Variants in TSPAN18 observed in about 807,000 individuals in gnomAD.
TSPAN18 encodes the protein tetraspanin-18.
Under a neutral mutation model 27.3 loss-of-function variants are expected in TSPAN18, and 14 were observed. That is an observed-to-expected ratio of 0.51 (90% CI 0.34 to 0.80). The LOEUF (loss-of-function observed/expected upper bound fraction) is 0.80. Ranked by LOEUF, TSPAN18 falls within the 30% of genes least tolerant of loss-of-function variation. The probability of loss-of-function intolerance (pLI) is 0.01; values close to 1 mark genes in which losing one functional copy is unlikely to be tolerated. For missense variants in TSPAN18, 268 were observed against 323.9 expected, an observed-to-expected ratio of 0.83 and a Z score of 1.32; for synonymous variants, 143 against 136.5, an observed-to-expected ratio of 1.05 and a Z score of -0.33.
At chr11:44,836,928 T>C (rs1353639544) in intron 2 of TSPAN18, among the ~76,000 whole-genome samples, 1 of 152,232 alleles carries the variant, frequency 6.6e-6, no homozygotes, top group Non-Finnish European at 1.5e-5. Flanking sequence ...TTTCAAAATA[T>C]GACTACTCAT....
chr11:44,874,089 A>T (rs1858265811), intron 3 of TSPAN18, among the ~76,000 whole-genome samples: 1 of 152,096 alleles, frequency 6.6e-6, no homozygotes, highest in Non-Finnish European at 1.5e-5. Flanking sequence ...CCCTGTATAA[A>T]AGCATGAGGA....
chr11:44,824,033 C>T (rs768313184), intron 2 of TSPAN18, among the ~76,000 whole-genome samples: 5 of 152,184 alleles, frequency 3.3e-5, no homozygotes, highest in Admixed American at 6.5e-5. Flanking sequence ...AAAAGCAAGG[C>T]TTGGTCATGA....
chr11:44,850,137 C>A (rs1857566428), intron 2 of TSPAN18, among the ~76,000 whole-genome samples: 1 of 152,196 alleles, frequency 6.6e-6, no homozygotes, highest in Non-Finnish European at 1.5e-5. Context: ...ACAGCTGAAG[C>A]CGCTCCTGCT....
chr11:44,832,973 G>A (rs112886702), intron 2 of TSPAN18, among the ~76,000 whole-genome samples: 6,145 of 152,082 alleles, frequency 0.04, 131 homozygotes, highest in Non-Finnish European at 0.045. Flanking sequence ...CTGTGCCTTT[G>A]CCCACACGCT....
At chr11:44,736,656 T>G (rs1009748720) in intron 1 of TSPAN18, 19 of 152,342 alleles carry the variant, frequency 1.2e-4, no homozygotes, top group Admixed American at 1.2e-3. Flanking sequence ...GGGATTTAGC[T>G]GTGGAGGCTG....
chr11:44,759,654 T>C (rs1855405945), intron 1 of TSPAN18, among the ~76,000 whole-genome samples: 1 of 152,214 alleles, frequency 6.6e-6, no homozygotes, highest in Non-Finnish European at 1.5e-5. Flanking sequence ...TAGTTCCTTC[T>C]TTCTACCATT....
intron 2 of TSPAN18, among the ~76,000 whole-genome samples, chr11:44,856,000 A>T (rs932518060): frequency 6.6e-6 from 1 of 151,840 alleles, no homozygotes; most frequent in Non-Finnish European, 1.5e-5. Context: ...CTTCTGCCTC[A>T]GCCTCCCGAG....
intron 1 of TSPAN18, among the ~76,000 whole-genome samples, chr11:44,730,220 TGGGTAGAGAGG>T (rs1286800731): frequency 2.0e-5 from 3 of 152,176 alleles, no homozygotes; most frequent in African/African-American, 7.2e-5. Flanking sequence ...CCAGCAGTTT[TGGGTAGAGAGG>T]GGAATGTCTG....
At chr11:44,873,810 G>GC (rs1242333928) in intron 3 of TSPAN18, among the ~76,000 whole-genome samples, 9 of 152,224 alleles carry the variant, frequency 5.9e-5, no homozygotes, top group African/African-American at 2.2e-4. Flanking sequence ...AGCCCTCTGA[G>GC]CAGAGCATGG....
At chr11:44,852,539 C>T (rs950353099) in intron 2 of TSPAN18, among the ~76,000 whole-genome samples, 1 of 152,232 alleles carries the variant, frequency 6.6e-6, no homozygotes, top group Non-Finnish European at 1.5e-5. Flanking sequence ...TTAATTCACA[C>T]TCAGGAGTGG....
chr11:44,748,585 T>C (rs960631846), intron 1 of TSPAN18, among the ~76,000 whole-genome samples: 3 of 152,164 alleles, frequency 2.0e-5, no homozygotes, highest in Non-Finnish European at 4.4e-5. Flanking sequence ...TGAGGAGACA[T>C]TGCTTGATTT....
intron 2 of TSPAN18, among the ~76,000 whole-genome samples, chr11:44,855,460 A>G (rs1267692805): frequency 6.6e-6 from 1 of 152,228 alleles, no homozygotes. Context: ...GACAATCACT[A>G]TATTCAAAGT....
intron 3 of TSPAN18, among the ~76,000 whole-genome samples, chr11:44,880,766 C>T (rs560808998): frequency 4.1e-4 from 62 of 152,244 alleles, no homozygotes; most frequent in Non-Finnish European, 8.5e-4. Flanking sequence ...GACTCAAGGA[C>T]CTCTGAGCCG....
At position 44,888,145 on chromosome 11, in the gene TSPAN18, G is replaced by T. The variant is rs142924206; in HGVS notation, c.-10-18262G>T. Among the ~76,000 whole-genome samples, 761 of 152,228 alleles carry T rather than the reference G, an allele frequency of 5.0e-3. 6 individuals are homozygous for T. The highest frequency in any genetic ancestry group is 0.017 in the African/African-American group (712 of 41,530). ...TCTTGACTCTAACCCAGGACTCGGG[G>T]CTGCCAACTCCTCCTCTTCACCACT... On this transcript the variant is annotated intron_variant, in intron 3 of 9. Coordinates refer to ENST00000520358, the MANE Select transcript of TSPAN18 (RefSeq NM_130783.5).
intron 3 of TSPAN18, among the ~76,000 whole-genome samples, chr11:44,876,998 C>CT (rs1160201058): frequency 6.6e-6 from 1 of 152,232 alleles, no homozygotes; most frequent in Admixed American, 6.5e-5. Flanking sequence ...CCTGCAGAGC[C>CT]TGCAGCGGAC....
intron 2 of TSPAN18, among the ~76,000 whole-genome samples, chr11:44,834,998 G>A (rs990427752): frequency 4.6e-5 from 7 of 152,210 alleles, no homozygotes; most frequent in African/African-American, 1.7e-4. Context: ...GGAGAGAACT[G>A]AGCTTTCATC....
intron 3 of TSPAN18, among the ~76,000 whole-genome samples, chr11:44,900,982 A>C (rs1003347751): frequency 1.3e-5 from 2 of 152,108 alleles, no homozygotes; most frequent in African/African-American, 4.8e-5. Flanking sequence ...AGCGTGAGCC[A>C]CCGCGCCCGG....
intron 2 of TSPAN18, among the ~76,000 whole-genome samples, chr11:44,850,156 C>T (rs1202127412): frequency 6.6e-6 from 1 of 152,214 alleles, no homozygotes; most frequent in African/African-American, 2.4e-5. Context: ...CTCCCCAGGG[C>T]CCGCCAAGTC....
chr11:44,732,718 T>C (rs1403332621), intron 1 of TSPAN18, among the ~76,000 whole-genome samples: 1 of 152,068 alleles, frequency 6.6e-6, no homozygotes, highest in African/African-American at 2.4e-5. Flanking sequence ...CAACAAAAGG[T>C]TGTAATGGAA....
Sources: gnomAD v4.1 joint callset for allele counts (sites outside exome capture counted in the v4.1 genomes callset) on GRCh38, gnomAD v4.1.1 for gene constraint, MANE v1.5 for transcripts, NCBI Gene and HGNC (gene_info 2026-07-23, HGNC 2026-07-21) for gene names.